Variants in SAMSN1 observed in about 807,000 individuals in gnomAD.
SAMSN1 encodes the protein SAM domain, SH3 domain and nuclear localization signals 1, also known as SAM domain-containing protein SAMSN-1.
A neutral mutation model predicts 42.0 loss-of-function variants in SAMSN1; 31 were observed. That is an observed-to-expected ratio of 0.74 (90% CI 0.55 to 1.00). SAMSN1 has a LOEUF of 1.00. Ranked by LOEUF, SAMSN1 falls within the 50% of genes least tolerant of loss-of-function variation. The pLI is 0.00. For synonymous variants in SAMSN1, 178 were observed against 151.9 expected, an observed-to-expected ratio of 1.17 and a Z score of -1.26; for missense variants, 464 against 439.4, an observed-to-expected ratio of 1.06 and a Z score of -0.50.
intron 2 of SAMSN1, among the ~76,000 whole-genome samples, chr21:14,557,138 C>A (rs1332962258): frequency 6.6e-6 from 1 of 152,086 alleles, no homozygotes; most frequent in African/African-American, 2.4e-5. Context: ...TGCTTTTCCT[C>A]GTTCTACCCA....
chr21:14,512,924 C>CT (rs1242589929), intron 3 of SAMSN1, among the ~76,000 whole-genome samples: 1 of 152,074 alleles, frequency 6.6e-6, no homozygotes, highest in African/African-American at 2.4e-5. Flanking sequence ...TCATGTTGTC[C>CT]TTATGCTCTA....
intron 3 of SAMSN1, chr21:14,612,981 T>G: frequency 1.5e-6 from 1 of 647,970 alleles, no homozygotes; most frequent in South Asian, 1.7e-5. Flanking sequence ...CAAACAGAAA[T>G]TAGAATATGT....
intron 2 of SAMSN1, among the ~76,000 whole-genome samples, chr21:14,564,626 T>A (rs1411834691): frequency 6.6e-6 from 1 of 152,148 alleles, no homozygotes; most frequent in Non-Finnish European, 1.5e-5. Context: ...CAAAAGCAAC[T>A]CCATGCATTT....
At chr21:14,553,059 T>C (rs941164155) in intron 2 of SAMSN1, among the ~76,000 whole-genome samples, 2 of 152,084 alleles carry the variant, frequency 1.3e-5, no homozygotes, top group African/African-American at 4.8e-5. Context: ...AAAAAAAATG[T>C]TTCTAGTTGG....
upstream of SAMSN1, among the ~76,000 whole-genome samples, chr21:14,547,162 T>C (rs2123168782): frequency 6.6e-6 from 1 of 152,320 alleles, no homozygotes; most frequent in African/African-American, 2.4e-5. Flanking sequence ...TAAAAGTAAA[T>C]GTTTATCATA....
At chr21:14,556,624 T>G (rs888484162) in intron 2 of SAMSN1, among the ~76,000 whole-genome samples, 20 of 152,150 alleles carry the variant, frequency 1.3e-4, no homozygotes, top group Non-Finnish European at 2.6e-4. Context: ...AGATGCACAT[T>G]GCCTTCTCCC....
chr21:14,606,669 T>A (rs563901754), intron 5 of SAMSN1, among the ~76,000 whole-genome samples: 1 of 152,328 alleles, frequency 6.6e-6, no homozygotes, highest in Admixed American at 6.5e-5. Context: ...GCCAATTTTT[T>A]AGTTGTAAAG....
chr21:14,619,433 T>C (rs550583350), intron 2 of SAMSN1, among the ~76,000 whole-genome samples: 1 of 152,308 alleles, frequency 6.6e-6, no homozygotes, highest in East Asian at 1.9e-4. Flanking sequence ...AATGAAAAAA[T>C]TGAGGCTCAA....
chr21:14,607,517 G>A (rs182949624), intron 5 of SAMSN1, among the ~76,000 whole-genome samples: 3 of 152,276 alleles, frequency 2.0e-5, no homozygotes, highest in East Asian at 3.9e-4. Context: ...CTACTGAAAT[G>A]TCTGCTGAGG....
chr21:14,512,514 G>T lies in SAMSN1; in HGVS notation c.339C>A (p.Thr113=), dbSNP rs1417638535. The T allele has an allele frequency of 1.1e-5, 18 of 1,613,170 alleles. No homozygotes were observed. Among genetic ancestry groups the T allele is most frequent in the Admixed American group, 1.7e-5 (1 of 59,992 alleles). ...CTTTGAGGGACACCTTCTCTGTGTGGGTCCCAATCACAGGGTCACTGTTTC... is the reference window on the plus strand; with the variant it reads ...CTTTGAGGGACACCTTCTCTGTGTGTGTCCCAATCACAGGGTCACTGTTTC... ...PYRNSDPVIG[T]HTEKVSLKAS... Residue 113 remains threonine (T), a synonymous_variant, in exon 4 of 8, where the codon ACC becomes ACA. Coordinates refer to ENST00000400566, the MANE Select transcript of SAMSN1 (RefSeq NM_022136.5).
At chr21:14,509,485 C>T (rs550896760) in intron 5 of SAMSN1, among the ~76,000 whole-genome samples, 8 of 152,182 alleles carry the variant, frequency 5.3e-5, no homozygotes, top group South Asian at 2.1e-4. Flanking sequence ...CACAAATAAC[C>T]GCTAAAGAAC....
chr21:14,492,826 G>A (rs1208975442), intron 7 of SAMSN1, among the ~76,000 whole-genome samples: 2 of 152,222 alleles, frequency 1.3e-5, no homozygotes, highest in Admixed American at 1.3e-4. Flanking sequence ...TATGACTATA[G>A]ATATTAAATA....
chr21:14,526,432 G>A (rs1978863195), intron 1 of SAMSN1, among the ~76,000 whole-genome samples: 1 of 152,190 alleles, frequency 6.6e-6, no homozygotes, highest in African/African-American at 2.4e-5. Flanking sequence ...GTCAGCTGGG[G>A]TGTTTGAACA....
At chr21:14,628,108 A>G (rs1359627241) in intron 2 of SAMSN1, among the ~76,000 whole-genome samples, 1 of 152,198 alleles carries the variant, frequency 6.6e-6, no homozygotes, top group Non-Finnish European at 1.5e-5. Flanking sequence ...AAACAAAGAC[A>G]AATATACACG....
upstream of SAMSN1, among the ~76,000 whole-genome samples, chr21:14,587,890 TC>T (rs1313118931): frequency 1.0e-5 from 1 of 97,446 alleles, no homozygotes. Flanking sequence ...ATGCTATCCC[TC>T]CCCCCTCCCC....
intron 2 of SAMSN1, among the ~76,000 whole-genome samples, chr21:14,624,446 T>C (rs1396831020): frequency 6.6e-6 from 1 of 151,998 alleles, no homozygotes; most frequent in Non-Finnish European, 1.5e-5. Flanking sequence ...AAAGGGGATA[T>C]CATCACCAAT....
rs530128143 is a variant in SAMSN1 at position 14,485,926 on chromosome 21, C to T, written c.1108G>A (p.Glu370Lys). ...SDMVHKIIIT[E>K]PSD ...GGAATGCGTGTTCAGTCACTTGGCT[C>T]TGTGATAATAATCTTATGTACCATG... is the stretch of plus-strand genomic sequence containing the variant. Residue 370 changes from glutamate (E) to lysine (K), a missense_variant, in exon 8 of 8, where the codon GAG becomes AAG. Transcript: ENST00000400566. 4.3e-5 allele frequency: 69 copies of T among 1,613,342 alleles called. 1 individual carries two copies. The South Asian group carries it at 6.9e-4, about 16-fold the overall frequency.
chr21:14,526,077 AG>A (rs200492549), intron 1 of SAMSN1, among the ~76,000 whole-genome samples: 670 of 152,270 alleles, frequency 4.4e-3, no homozygotes, highest in African/African-American at 0.015. Flanking sequence ...CGTGTTAGCC[AG>A]GCTGATGTTG....
At position 14,510,413 on chromosome 21, in the gene SAMSN1, C is replaced by T. The variant is rs753527223; in HGVS notation, c.458G>A (p.Arg153Gln). The change falls in exon 5 of 8, where the codon CGA (arginine) becomes CAA (glutamine). Residue 153 changes from arginine (R) to glutamine (Q), a missense_variant. Transcript: ENST00000400566. The part of the protein sequence containing the change: ...SDGTSNRDSF[R>Q]LDDDGPYSGP... ...TGAATAGGGGCCATCGTCATCCAGT[C>T]GAAAGCTGTCCCGGTTACTTGTACC... The T allele has an allele frequency of 1.5e-5, 24 of 1,614,002 alleles. No individual in the cohort carries two copies. The East Asian group carries it at 1.8e-4, about 12-fold the overall frequency.
Sources: allele counts gnomAD v4.1 joint callset (sites outside exome capture counted in the v4.1 genomes callset), GRCh38; gene constraint gnomAD v4.1.1; transcripts MANE v1.5; gene names NCBI Gene and HGNC (gene_info 2026-07-23, HGNC 2026-07-21).